Variants in SYCP2L observed in about 807,000 individuals in gnomAD.
SYCP2L encodes the protein synaptonemal complex protein 2 like, also known as synaptonemal complex protein 2-like.
In SYCP2L, 98 loss-of-function variants were observed where a neutral mutation model predicts 125.8. That is an observed-to-expected ratio of 0.78 (90% CI 0.66 to 0.92). SYCP2L has a LOEUF of 0.92. Ranked by LOEUF, SYCP2L falls within the 40% of genes least tolerant of loss-of-function variation. The probability of loss-of-function intolerance (pLI) is 0.00; values close to 1 mark genes in which losing one functional copy is unlikely to be tolerated. For synonymous variants in SYCP2L, 317 were observed against 325.4 expected (o/e 0.97, Z 0.28); for missense variants, 842 against 936.4 (o/e 0.90, Z 1.32).
chr6:10,893,544 T>C (rs1780209227), intron 2 of SYCP2L, among the ~76,000 whole-genome samples: 1 of 152,160 alleles, frequency 6.6e-6, no homozygotes. Flanking sequence ...GTTGTTTTCC[T>C]TGGGTCAGTG....
At chr6:10,961,155 A>C in intron 26 of SYCP2L, 150 bp from the exon 27 acceptor site, 2 of 591,086 alleles carry the variant, frequency 3.4e-6, no homozygotes, top group East Asian at 3.0e-5. Flanking sequence ...CAGGGAGGGG[A>C]GGGAAGAGAA....
chr6:10,900,470 A>G (rs1780358335), intron 6 of SYCP2L, among the ~76,000 whole-genome samples: 1 of 151,640 alleles, frequency 6.6e-6, no homozygotes, highest in Non-Finnish European at 1.5e-5. Flanking sequence ...CTCCTGCCTC[A>G]GCCTCCTGGG....
At chr6:10,913,539 C>T (rs949147099) in intron 14 of SYCP2L, among the ~76,000 whole-genome samples, 1 of 152,042 alleles carries the variant, frequency 6.6e-6, no homozygotes, top group Non-Finnish European at 1.5e-5. Context: ...ATTGTCTATT[C>T]ATGTCCTTAC....
At chr6:10,898,191 A>G (rs1448815146) in intron 5 of SYCP2L, 76 bp downstream of exon 5, 1 of 1,099,690 alleles carries the variant, frequency 9.1e-7, no homozygotes, top group East Asian at 2.4e-5. Context: ...TTTATAAAAC[A>G]TGGTTTTCTA....
intron 18 of SYCP2L, among the ~76,000 whole-genome samples, chr6:10,929,714 C>T (rs1448443774): frequency 2.0e-5 from 3 of 151,946 alleles, no homozygotes. Context: ...GTGGGTGGAT[C>T]ATCTGAGGTC....
In SYCP2L at chr6:10,972,087, C is replaced by G. The variant is rs143191934; in HGVS notation, c.*38-1865C>G. Among the ~76,000 whole-genome samples, 139 of 152,268 alleles carry G rather than the reference C, an allele frequency of 9.1e-4. 1 individual carries two copies. The highest frequency in any genetic ancestry group is 1.7e-3 in the Non-Finnish European group (115 of 68,016). ...AATACAAGATCTTATTTTTTAATAA[C>G]TGCAAAATAGTTTATAAACATGCTA... On this transcript the variant is annotated intron_variant, in intron 29 of 29. Transcript: ENST00000283141.
chr6:10,911,469 T>C (rs972222985), intron 12 of SYCP2L, among the ~76,000 whole-genome samples: 1 of 152,242 alleles, frequency 6.6e-6, no homozygotes, highest in African/African-American at 2.4e-5. Context: ...GTCTTCAGAA[T>C]GTCCTCATTC....
chr6:10,920,093 C>A (rs1171649908), intron 14 of SYCP2L, among the ~76,000 whole-genome samples: 1 of 152,068 alleles, frequency 6.6e-6, no homozygotes, highest in Non-Finnish European at 1.5e-5. Context: ...CTGGCTGGTG[C>A]CATCGTGGGC....
chr6:10,965,789 A>G (rs189948343), intron 29 of SYCP2L, among the ~76,000 whole-genome samples: 1 of 152,360 alleles, frequency 6.6e-6, no homozygotes, highest in East Asian at 1.9e-4. Context: ...CAAAAATTGC[A>G]AAGAGAGGTA....
chr6:10,956,008 G>GTCAGCGGGGCTTCCATGGTTC lies in SYCP2L; in HGVS notation c.2057-127_2057-107dup. ...CAGAGAGCGAGGTCATGTCCAGGCA[G>GTCAGCGGGGCTTCCATGGTTC]TCAGCGGGGCTTCCATGGTTCGCAT... On this transcript the variant is annotated intron_variant, in intron 24 of 29. Transcript: ENST00000283141. The GTCAGCGGGGCTTCCATGGTTC allele has an allele frequency of 2.3e-5, 16 of 696,670 alleles. No individual in the cohort carries two copies. The South Asian group carries it at 2.9e-4, about 13-fold the overall frequency. 43.2% of individuals were successfully genotyped at this position (696,670 alleles called of 1,614,324 possible). A position where few individuals can be genotyped will look rare whatever the true frequency, so the allele number is the denominator to read the frequency against.
chr6:10,972,678 C>T (rs1157088246), intron 29 of SYCP2L, among the ~76,000 whole-genome samples: 3 of 152,122 alleles, frequency 2.0e-5, no homozygotes, highest in Non-Finnish European at 4.4e-5. Context: ...CAACATCCTC[C>T]CCTCTTTCGC....
chr6:10,906,227 A>C lies in SYCP2L; in HGVS notation c.676+173A>C, dbSNP rs140309361. Among the ~76,000 whole-genome samples, 835 of 152,218 alleles carry C rather than the reference A, an allele frequency of 5.5e-3. 25 individuals carry two copies. The highest frequency in any genetic ancestry group is 0.052 in the Admixed American group (795 of 15,292). On this transcript the variant is annotated intron_variant, in intron 9 of 29. Transcript: ENST00000283141. ...AGCATGCTGGAAACTGTAAAGAATA[A>C]TTCGTGAGTACTCATTTACTCACCA...
intron 14 of SYCP2L, among the ~76,000 whole-genome samples, chr6:10,923,255 G>T (rs530656532): frequency 6.6e-6 from 1 of 151,706 alleles, no homozygotes; most frequent in Non-Finnish European, 1.5e-5. Context: ...TTAATGTGGT[G>T]TATTCTTGGC....
At chr6:10,955,044 T>G in intron 23 of SYCP2L, 72 bp from the exon 24 acceptor site, 1 of 1,040,402 alleles carries the variant, frequency 9.6e-7, no homozygotes. Flanking sequence ...CTCTTCACAG[T>G]AAGACATTAA....
intron 2 of SYCP2L, among the ~76,000 whole-genome samples, chr6:10,893,374 A>G (rs879695700): frequency 5.9e-5 from 9 of 152,298 alleles, no homozygotes; most frequent in Non-Finnish European, 1.3e-4. Flanking sequence ...ATTATGGTCA[A>G]TTTGCATACT....
chr6:10,901,856 C>T (rs190497819), intron 6 of SYCP2L, among the ~76,000 whole-genome samples: 47 of 152,374 alleles, frequency 3.1e-4, no homozygotes, highest in Middle Eastern at 3.4e-3. Context: ...AGCGTGGCTC[C>T]GCCCCATTTC....
intron 15 of SYCP2L, among the ~76,000 whole-genome samples, chr6:10,925,482 G>A (rs1780881367): frequency 6.6e-6 from 1 of 152,172 alleles, no homozygotes; most frequent in African/African-American, 2.4e-5. Context: ...CTTATTGACA[G>A]AAACAGGAAA....
In SYCP2L at chr6:10,898,032, A is replaced by G; in HGVS notation, c.358A>G (p.Thr120Ala). The change falls in exon 5 of 30, where the codon ACA becomes GCA. Residue 120 changes from threonine to alanine, a missense_variant. Coordinates refer to ENST00000283141, the MANE Select transcript of SYCP2L (RefSeq NM_001040274.3). ...GTACCTAGTTTCCTGGTTTGAAAGA[A>G]CAACAGGAATTCTGACCTCGGAAGG... The part of the protein sequence containing the change: ...IPKLVSWFER[T>A]TGILTSEGLA... 1 of 1,614,072 alleles carries G rather than the reference A, an allele frequency of 6.2e-7. No individual in the cohort carries two copies. The highest frequency in any genetic ancestry group is 2.2e-5 in the East Asian group (1 of 44,886).
chr6:10,926,144 G>A (rs1210193927), intron 15 of SYCP2L, among the ~76,000 whole-genome samples, 195 bp from the exon 16 acceptor site: 3 of 152,188 alleles, frequency 2.0e-5, no homozygotes, highest in East Asian at 3.8e-4. Flanking sequence ...TGGCTAGCCC[G>A]AGCTGGTCCT....
Sources: allele counts gnomAD v4.1 joint callset (sites outside exome capture counted in the v4.1 genomes callset), GRCh38; gene constraint gnomAD v4.1.1; transcripts MANE v1.5; gene names NCBI Gene and HGNC (gene_info 2026-07-23, HGNC 2026-07-21).